SLC25A21: variants seen among roughly 807,000 people sequenced by gnomAD.
SLC25A21 encodes solute carrier family 25 member 21.
Under a neutral mutation model 43.8 loss-of-function variants are expected in SLC25A21, and 47 were observed. The observed-to-expected ratio is 1.07, with a 90% CI of 0.85 to 1.37. The LOEUF is 1.37. Among genes scored for constraint, SLC25A21 ranks in the 40% most tolerant of loss-of-function variants. The probability of loss-of-function intolerance (pLI) is 0.00; values close to 1 mark genes in which losing one functional copy is unlikely to be tolerated. For synonymous variants in SLC25A21, 131 were observed against 121.3 expected, an observed-to-expected ratio of 1.08 and a Z score of -0.52; for missense variants, 352 against 350.2, an observed-to-expected ratio of 1.00 and a Z score of -0.04.
chr14:36,945,516 G>A (rs79205749), intron 1 of SLC25A21, among the ~76,000 whole-genome samples: 6,594 of 152,176 alleles, frequency 0.043, 288 homozygotes, highest in Middle Eastern at 0.14. Context: ...CATACAAATG[G>A]AATATTATTT....
At chr14:37,066,568 T>C (rs970281642) in intron 1 of SLC25A21, among the ~76,000 whole-genome samples, 2 of 152,176 alleles carry the variant, frequency 1.3e-5, no homozygotes, top group Non-Finnish European at 2.9e-5. Context: ...ACTGTAGCTA[T>C]ATGAAAATAT....
chr14:37,149,363 G>T (rs529684510), intron 1 of SLC25A21, among the ~76,000 whole-genome samples: 1 of 152,104 alleles, frequency 6.6e-6, no homozygotes, highest in South Asian at 2.1e-4. Flanking sequence ...AAACAAAGTT[G>T]CTTACCATTT....
At chr14:37,109,051 GTTTAT>G (rs1962971537) in intron 1 of SLC25A21, among the ~76,000 whole-genome samples, 2 of 152,158 alleles carry the variant, frequency 1.3e-5, no homozygotes, top group Admixed American at 1.3e-4. Context: ...TATTTGTTGT[GTTTAT>G]TTTTTCTTTA....
At chr14:36,821,169 A>G (rs1888614172) in intron 2 of SLC25A21, among the ~76,000 whole-genome samples, 1 of 152,144 alleles carries the variant, frequency 6.6e-6, no homozygotes, top group South Asian at 2.1e-4. Context: ...AAGACCCTAG[A>G]AAGCACATCT....
rs147383875 is a variant in SLC25A21 at position 37,046,218 on chromosome 14, G to A, written c.70+126063C>T. Among the ~76,000 whole-genome samples the A allele has an allele frequency of 5.6e-3, 855 of 152,214 alleles. 7 individuals are homozygous for A. The highest frequency in any genetic ancestry group is 0.015 in the African/African-American group (610 of 41,526). ...CATGCTGCAATGCTCCCTCTTTGCCGACGCTCTCAAGCTTTCCCAGATCTA... is the reference window on the plus strand; with the variant it reads ...CATGCTGCAATGCTCCCTCTTTGCCAACGCTCTCAAGCTTTCCCAGATCTA... On this transcript the variant is annotated intron_variant, in intron 1 of 9. Coordinates refer to ENST00000331299, the MANE Select transcript of SLC25A21 (RefSeq NM_030631.4).
intron 1 of SLC25A21, among the ~76,000 whole-genome samples, chr14:37,123,222 T>C (rs1201168311): frequency 6.6e-6 from 1 of 152,162 alleles, no homozygotes; most frequent in South Asian, 2.1e-4. Context: ...GTTGGGGAGA[T>C]GGAGGTAGAA....
At chr14:36,948,341 C>T (rs970417975) in intron 1 of SLC25A21, among the ~76,000 whole-genome samples, 2 of 152,084 alleles carry the variant, frequency 1.3e-5, no homozygotes, top group South Asian at 2.1e-4. Flanking sequence ...ATAATGGTAG[C>T]GCATACAAGT....
chr14:36,889,715 A>ACT (rs1267036346), intron 1 of SLC25A21, among the ~76,000 whole-genome samples: 1 of 150,856 alleles, frequency 6.6e-6, no homozygotes, highest in Non-Finnish European at 1.5e-5. Flanking sequence ...CTGGTCTCAA[A>ACT]CTCCTCCTCA....
intron 1 of SLC25A21, among the ~76,000 whole-genome samples, chr14:36,912,855 T>C (rs1891730528): frequency 6.6e-6 from 1 of 152,308 alleles, no homozygotes; most frequent in Non-Finnish European, 1.5e-5. Context: ...TCTACCAACC[T>C]GTCTAACTTT....
chr14:36,903,746 T>C lies in SLC25A21; in HGVS notation c.71-28742A>G, dbSNP rs149884911. ...TAAACATCTGGCTTCCTTGAGTCAC[T>C]CTCCCACCATTCAACAACCTGCTGG... On this transcript the variant is annotated intron_variant, in intron 1 of 9. Transcript: ENST00000331299. 2.8e-3 allele frequency among the ~76,000 whole-genome samples: 422 copies of C among 150,828 alleles called. 2 individuals carry two copies. Among genetic ancestry groups the C allele is most frequent in the African/African-American group, 0.01 (416 of 41,086 alleles).
intron 1 of SLC25A21, among the ~76,000 whole-genome samples, chr14:36,924,406 C>T (rs1892071731): frequency 6.6e-6 from 1 of 152,092 alleles, no homozygotes; most frequent in Non-Finnish European, 1.5e-5. Context: ...AACCATCATT[C>T]TCAGCAAACT....
chr14:36,950,096 G>A (rs891291187), intron 1 of SLC25A21, among the ~76,000 whole-genome samples: 1 of 152,122 alleles, frequency 6.6e-6, no homozygotes, highest in East Asian at 1.9e-4. Flanking sequence ...CATCTTAGGA[G>A]ACTAGTATTC....
At chr14:37,042,621 G>C (rs984512711) in intron 1 of SLC25A21, among the ~76,000 whole-genome samples, 1 of 152,124 alleles carries the variant, frequency 6.6e-6, no homozygotes, top group African/African-American at 2.4e-5. Context: ...AATTGTATTA[G>C]AAAAGCATTC....
At position 36,711,470 on chromosome 14, in the gene SLC25A21, C is replaced by G. The variant is rs750811529; in HGVS notation, c.451G>C (p.Val151Leu). The G allele has an allele frequency of 6.2e-7, 1 of 1,613,852 alleles. No homozygotes were observed. The highest frequency in any genetic ancestry group is 1.1e-5 in the South Asian group (1 of 90,998). ...RNTFAEQPST[V>L]GYARQIIKKE... ...TTAATGATTTGTCTTGCATAACCCA[C>G]AGTGGATGGTTGCTGCAGAAGAGAG... is the stretch of plus-strand genomic sequence containing the variant. Residue 151 changes from valine (V) to leucine (L), a missense_variant, in exon 7 of 10, where the codon GTG becomes CTG. Physicochemically the swap from Val to Leu is conservative, Grantham distance 32. Transcript: ENST00000331299.
At chr14:36,796,739 C>T (rs1225134050) in intron 3 of SLC25A21, among the ~76,000 whole-genome samples, 1 of 152,158 alleles carries the variant, frequency 6.6e-6, no homozygotes, top group Non-Finnish European at 1.5e-5. Context: ...GTCACAAAAA[C>T]CTGCCAAGAT....
chr14:36,753,919 CAG>C (rs56871881), intron 3 of SLC25A21, among the ~76,000 whole-genome samples: 8,023 of 129,976 alleles, frequency 0.062, 207 homozygotes, highest in Middle Eastern at 0.1. Flanking sequence ...TCACTGGGGA[CAG>C]AGAGAGAGAG....
chr14:36,999,853 T>A (rs750180434), intron 1 of SLC25A21, among the ~76,000 whole-genome samples: 3 of 152,160 alleles, frequency 2.0e-5, no homozygotes, highest in Non-Finnish European at 2.9e-5. Context: ...AATGCTTACG[T>A]ATTATTTATT....
chr14:37,135,441 G>A (rs1342039802), intron 1 of SLC25A21, among the ~76,000 whole-genome samples: 5 of 150,952 alleles, frequency 3.3e-5, no homozygotes, highest in African/African-American at 4.9e-5. Context: ...TACCCAGGCT[G>A]GTCTCCAACT....
intron 7 of SLC25A21, among the ~76,000 whole-genome samples, chr14:36,699,117 CTT>C (rs201381375): frequency 7.9e-5 from 11 of 139,748 alleles, no homozygotes; most frequent in Admixed American, 2.1e-4. Flanking sequence ...TGTAGATGAC[CTT>C]TTTTTTTTTT....
Sources: allele counts gnomAD v4.1 joint callset (sites outside exome capture counted in the v4.1 genomes callset), GRCh38; gene constraint gnomAD v4.1.1; transcripts MANE v1.5; gene names NCBI Gene and HGNC (gene_info 2026-07-23, HGNC 2026-07-21).